The following VARS1 variants were observed in gnomAD, a reference collection of about 807,000 sequenced individuals.
VARS1 encodes valine--tRNA ligase.
Under a neutral mutation model 161.0 loss-of-function variants are expected in VARS1, and 92 were observed. The ratio of observed to expected loss-of-function variants is 0.57; its 90% CI spans 0.48 to 0.68. The LOEUF is 0.68. VARS1 is among the 30% of genes least tolerant of loss of function. The probability of loss-of-function intolerance (pLI) is 0.00; values close to 1 mark genes in which losing one functional copy is unlikely to be tolerated. For synonymous variants in VARS1, 595 were observed against 682.5 expected, an observed-to-expected ratio of 0.87 and a Z score of 2.00; for missense variants, 1,338 against 1,695.9, an observed-to-expected ratio of 0.79 and a Z score of 3.71.
In VARS1 at chr6:31,794,834, G is replaced by C. The variant is rs1267933103; in HGVS notation, c.384C>G (p.Pro128=). The part of the protein sequence containing the change: ...ALGLRSSAQD[P]QAVLGALGRA... Reference sequence around the variant, plus strand: ...CTCTTCTGTACAACCCCCTCACCTGGGGGTCCTGGGCCGAGCTTCGGAGTC... The same window carrying C: ...CTCTTCTGTACAACCCCCTCACCTGCGGGTCCTGGGCCGAGCTTCGGAGTC... The change falls in exon 2 of 30, where the codon CCC becomes CCG. Residue 128 remains proline, a synonymous_variant. Transcript: ENST00000375663. The C allele has an allele frequency of 1.3e-6, 2 of 1,593,298 alleles. No individual in the cohort carries two copies. Among genetic ancestry groups the C allele is most frequent in the South Asian group, 1.1e-5 (1 of 89,898 alleles).
Position 31,785,133 on chromosome 6 carries a change from T to C in VARS1, c.1347+113A>G. On this transcript the variant is annotated intron_variant, in intron 10 of 29. Coordinates refer to ENST00000375663, the MANE Select transcript of VARS1 (RefSeq NM_006295.3). The surrounding 1 kb of genome is among the most constrained non-coding windows in gnomAD (Gnocchi z 6.1). ...TTGCAGCTGAGCCCTCCATGGTGTTTTACATGGGCCAGCTCCTGAGAGAGG... is the reference window on the plus strand; with the variant it reads ...TTGCAGCTGAGCCCTCCATGGTGTTCTACATGGGCCAGCTCCTGAGAGAGG... The C allele has an allele frequency of 7.7e-7, 1 of 1,302,224 alleles. No homozygotes were observed. Among genetic ancestry groups the C allele is most frequent in the African/African-American group, 1.5e-5 (1 of 68,544 alleles). The allele number at this position is 1,302,224 out of a possible 1,614,324, so 80.7% of individuals were successfully genotyped here.
chr6:31,779,766 A>G lies in VARS1; in HGVS notation c.3130T>C (p.Cys1044Arg), dbSNP rs773367084. Reference protein sequence around the residue: ...LNGVDQVAAECARQTLYTCLD... With the variant: ...LNGVDQVAAERARQTLYTCLD... ...CAAGTGTACAGGGTCTGGCGGGCACACTCAGCTGCCACCTGGTCCACCCCA... is the reference window on the plus strand; with the variant it reads ...CAAGTGTACAGGGTCTGGCGGGCACGCTCAGCTGCCACCTGGTCCACCCCA... The change falls in exon 27 of 30, where the codon TGT (cysteine) becomes CGT (arginine). Residue 1044 changes from cysteine to arginine, a missense_variant. Cys to Arg is a radical substitution (Grantham distance 180). Transcript: ENST00000375663. This position sits in a 1 kb window ranked among gnomAD's most constrained non-coding sequence, Gnocchi z 9.1. 5.0e-6 allele frequency: 8 copies of G among 1,612,844 alleles called. No homozygotes were observed. The African/African-American group carries it at 8.0e-5, about 16-fold the overall frequency.
Position 31,795,001 on chromosome 6 carries a change from T to G in VARS1, c.217A>C (p.Thr73Pro), listed in dbSNP as rs1440893501. ...GPGGLWVWGA[T>P]AVAQLLWPAG... is the part of the protein sequence containing the mutation. ...GGCCACAGCAGCTGGGCCACAGCCG[T>G]GGCCCCCCACACCCAGAGCCCACCG... is the stretch of plus-strand genomic sequence containing the variant. The change falls in exon 2 of 30, where the codon ACG becomes CCG. Residue 73 changes from threonine (T) to proline (P), a missense_variant. Thr to Pro is a conservative substitution (Grantham distance 38). Transcript: ENST00000375663. The surrounding 1 kb of genome is among the most constrained non-coding windows in gnomAD (Gnocchi z 6.9). The G allele has an allele frequency of 4.4e-6, 7 of 1,605,036 alleles. No individual in the cohort carries two copies. The highest frequency in any genetic ancestry group is 6.0e-6 in the Non-Finnish European group (7 of 1,175,296).
Position 31,785,730 on chromosome 6 carries a change from G to GT in VARS1, c.1103dup (p.His368GlnfsTer15), listed in dbSNP as rs1373535819. 6.2e-7 allele frequency: 1 copy of GT among 1,609,616 alleles called. No individual in the cohort carries two copies. Among genetic ancestry groups the GT allele is most frequent in the Admixed American group, 1.7e-5 (1 of 59,770 alleles). On this transcript the variant is annotated frameshift_variant, in exon 9 of 30. Coordinates refer to ENST00000375663, the MANE Select transcript of VARS1 (RefSeq NM_006295.3). LOFTEE classifies it high-confidence loss of function. The surrounding 1 kb of genome is among the most constrained non-coding windows in gnomAD (Gnocchi z 6.1). Reference sequence around the variant, plus strand: ...ACAGGGTGGTCTCCCCACGCATGCGGTGCCTGTTAGGGGGCATGGAGGACC... The same window carrying GT: ...ACAGGGTGGTCTCCCCACGCATGCGGTTGCCTGTTAGGGGGCATGGAGGACC...
intron 4 of VARS1, 73 bp downstream of exon 4, chr6:31,792,684 G>A: frequency 6.3e-7 from 1 of 1,599,880 alleles, no homozygotes; most frequent in South Asian, 1.1e-5. Context: ...GCCATTTCTA[G>A]GAAAAAAAGA....
Position 31,792,794 on chromosome 6 carries a change from A to T in VARS1, c.624T>A (p.Val208=). The part of the protein sequence containing the change: ...PEFRAVLGEV[V]LYSGARPLSH... ...AGAGAGGCCTGGCTCCTGAGTATAG[A>T]ACCACTTCTCCTAGCACGGCTCGGA... is the stretch of plus-strand genomic sequence containing the variant. Residue 208 remains valine, a synonymous_variant, in exon 4 of 30, where the codon GTT becomes GTA. Transcript: ENST00000375663. 6.2e-7 allele frequency: 1 copy of T among 1,614,190 alleles called. No homozygotes were observed. Among genetic ancestry groups the T allele is most frequent in the Non-Finnish European group, 8.5e-7 (1 of 1,180,036 alleles).
chr6:31,785,481 T>C lies in VARS1; in HGVS notation c.1265+88A>G. 1 of 1,524,742 alleles carries C rather than the reference T, an allele frequency of 6.6e-7. No individual in the cohort carries two copies. Among genetic ancestry groups the C allele is most frequent in the Non-Finnish European group, 8.8e-7 (1 of 1,132,302 alleles). The allele number at this position is 1,524,742 out of a possible 1,614,324, so 94.5% of individuals were successfully genotyped here. On this transcript the variant is annotated intron_variant, in intron 9 of 29. Transcript: ENST00000375663. This position sits in a 1 kb window ranked among gnomAD's most constrained non-coding sequence, Gnocchi z 6.1. ...GCCTCTGTGGGAGGGTCTGACCCTG[T>C]GGCCAAGGGGTTACAGGTGACAGAG... is the stretch of plus-strand genomic sequence containing the variant.
intron 2 of VARS1, 108 bp from the exon 3 acceptor site, chr6:31,793,228 T>C: frequency 7.2e-7 from 1 of 1,389,404 alleles, no homozygotes; most frequent in Middle Eastern, 2.6e-4. Context: ...AATCACCACC[T>C]CTGAGTCCCA....
chr6:31,788,573 G>A (rs1249206070), intron 8 of VARS1, among the ~76,000 whole-genome samples: 1 of 151,194 alleles, frequency 6.6e-6, no homozygotes, highest in Non-Finnish European at 1.5e-5. Flanking sequence ...TTGGGAGGCC[G>A]AGGTGAGCAG....
intron 8 of VARS1, among the ~76,000 whole-genome samples, chr6:31,787,536 T>C (rs1446557045): frequency 1.3e-5 from 2 of 151,964 alleles, no homozygotes; most frequent in Admixed American, 6.6e-5. Context: ...TCCCAGCTAC[T>C]CAGGAGACTG....
Position 31,785,546 on chromosome 6 carries a change from C to T in VARS1, c.1265+23G>A, listed in dbSNP as rs1813441582. ...GGACAGGGAGGCAGGGCTGCGATGC[C>T]CACAGGGATGCTGCATACTCACTCC... On this transcript the variant is annotated intron_variant, in intron 9 of 29. Transcript: ENST00000375663. The surrounding 1 kb of genome is among the most constrained non-coding windows in gnomAD (Gnocchi z 6.1). 5.7e-6 allele frequency: 9 copies of T among 1,584,732 alleles called. No individual in the cohort carries two copies. Among genetic ancestry groups the T allele is most frequent in the Non-Finnish European group, 7.7e-6 (9 of 1,165,734 alleles).
In VARS1 at chr6:31,781,200, C is replaced by T. The variant is rs1242107547; in HGVS notation, c.2545-77G>A. 4.3e-5 allele frequency: 65 copies of T among 1,518,302 alleles called. No homozygotes were observed. Among genetic ancestry groups the T allele is most frequent in the Non-Finnish European group, 5.9e-5 (65 of 1,106,942 alleles). 94.1% of individuals were successfully genotyped at this position (1,518,302 alleles called of 1,614,324 possible). On this transcript the variant is annotated intron_variant, in intron 21 of 29. Transcript: ENST00000375663. This position sits in a 1 kb window ranked among gnomAD's most constrained non-coding sequence, Gnocchi z 6.8. ...CTCAGTGCCCCGACCAGGACTGTGTCTGGTCTACCCCACTGTGAACCTCAG... is the reference window on the plus strand; with the variant it reads ...CTCAGTGCCCCGACCAGGACTGTGTTTGGTCTACCCCACTGTGAACCTCAG...
At chr6:31,787,203 G>A (rs903539659) in intron 8 of VARS1, among the ~76,000 whole-genome samples, 1 of 152,104 alleles carries the variant, frequency 6.6e-6, no homozygotes, top group Non-Finnish European at 1.5e-5. Flanking sequence ...CACAGTGAGA[G>A]AGACTCTGTC....
chr6:31,779,236 A>G lies in VARS1; in HGVS notation c.3457T>C (p.Tyr1153His). Residue 1153 changes from tyrosine (Y) to histidine (H), a missense_variant, in exon 29 of 30, where the codon TAC becomes CAC. By Grantham distance (83) the Tyr-to-His change is moderately conservative (BLOSUM62 2). Coordinates refer to ENST00000375663, the MANE Select transcript of VARS1 (RefSeq NM_006295.3). This position sits in a 1 kb window ranked among gnomAD's most constrained non-coding sequence, Gnocchi z 9.1. ...CCTGCGCTGGCCAGGGCCTGCACGT[A>G]GCCCGACACCGCCGATGCCAGGGCG... ...TGALASAVSGYVQALASAGVV... is the reference protein window; with the variant it reads ...TGALASAVSGHVQALASAGVV... 6.2e-7 allele frequency: 1 copy of G among 1,606,162 alleles called. No individual in the cohort carries two copies. Among genetic ancestry groups the G allele is most frequent in the East Asian group, 2.2e-5 (1 of 44,840 alleles).
In VARS1 at chr6:31,781,633, G is replaced by C; in HGVS notation, c.2419-27C>G. The C allele has an allele frequency of 6.2e-7, 1 of 1,612,878 alleles. No homozygotes were observed. The highest frequency in any genetic ancestry group is 1.1e-5 in the South Asian group (1 of 91,080). On this transcript the variant is annotated intron_variant, in intron 20 of 29. Transcript: ENST00000375663. This position sits in a 1 kb window ranked among gnomAD's most constrained non-coding sequence, Gnocchi z 6.8. ...TGAGGGCAGACCAGGGTGTGAAGGG[G>C]AGCCAACACCCACCCTCCAGTCCCC...
At chr6:31,793,439 G>A (rs1814034418) in intron 2 of VARS1, among the ~76,000 whole-genome samples, 1 of 151,810 alleles carries the variant, frequency 6.6e-6, no homozygotes, top group Non-Finnish European at 1.5e-5. Context: ...CCAGGAGGTG[G>A]AGCTTGCAGT....
chr6:31,779,428 C>T lies in VARS1; in HGVS notation c.3397G>A (p.Asp1133Asn). The change falls in exon 28 of 30, where the codon GAC becomes AAC. Residue 1133 changes from aspartate (D) to asparagine (N), a missense_variant. Asp to Asn is a conservative substitution (Grantham distance 23). Transcript: ENST00000375663. The surrounding 1 kb of genome is among the most constrained non-coding windows in gnomAD (Gnocchi z 9.1). The part of the protein sequence containing the change: ...ADYNLTRIRP[D>N]CFLEVADEAT... ...GACATGGGGGCCTGAGGCTCACAGTCAGGCCGGATCCGGGTGAGGTTGTAG... is the reference window on the plus strand; with the variant it reads ...GACATGGGGGCCTGAGGCTCACAGTTAGGCCGGATCCGGGTGAGGTTGTAG... 1 of 1,611,508 alleles carries T rather than the reference C, an allele frequency of 6.2e-7. No individual in the cohort carries two copies. The highest frequency in any genetic ancestry group is 8.5e-7 in the Non-Finnish European group (1 of 1,179,966).
At chr6:31,786,574 G>A (rs1325840027) in intron 8 of VARS1, among the ~76,000 whole-genome samples, 13 of 147,890 alleles carry the variant, frequency 8.8e-5, no homozygotes, top group African/African-American at 2.5e-4. Flanking sequence ...GCTGAAGCAC[G>A]AGAATCGCTT....
At position 31,780,060 on chromosome 6, in the gene VARS1, A is replaced by G; in HGVS notation, c.3019T>C (p.Phe1007Leu). ...TACTGGGCAGTGGTGACGGCCGGGA[A>G]GTCGTAGGCCTGGAAGCCTTGATTG... ...LSNQGFQAYD[F>L]PAVTTAQYSF... is the part of the protein sequence containing the mutation. Residue 1007 changes from phenylalanine to leucine, a missense_variant, in exon 26 of 30, where the codon TTC becomes CTC. By Grantham distance (22) the Phe-to-Leu change is conservative. Coordinates refer to ENST00000375663, the MANE Select transcript of VARS1 (RefSeq NM_006295.3). This position sits in a 1 kb window ranked among gnomAD's most constrained non-coding sequence, Gnocchi z 5.1. 6.2e-7 allele frequency: 1 copy of G among 1,614,128 alleles called. No homozygotes were observed. The highest frequency in any genetic ancestry group is 8.5e-7 in the Non-Finnish European group (1 of 1,180,016).
Sources: allele counts gnomAD v4.1 joint callset (sites outside exome capture counted in the v4.1 genomes callset), GRCh38; gene constraint gnomAD v4.1.1; non-coding constraint Gnocchi (gnomAD v3.1); transcripts MANE v1.5; gene names NCBI Gene and HGNC (gene_info 2026-07-23, HGNC 2026-07-21).